The following DTNBP1 variants were observed in gnomAD, a reference collection of about 807,000 sequenced individuals.
DTNBP1 encodes dysbindin.
In DTNBP1, 35 loss-of-function variants were observed where a neutral mutation model predicts 42.8. The observed-to-expected ratio is 0.82, with a 90% CI of 0.63 to 1.09. DTNBP1 has a LOEUF of 1.09. Among genes scored for constraint, DTNBP1 ranks in the 50% least tolerant of loss-of-function variants. The pLI, the probability that DTNBP1 is intolerant of heterozygous loss-of-function variation, is 0.00. For missense variants in DTNBP1, 457 were observed against 424.2 expected (o/e 1.08, Z -0.68); for synonymous variants, 171 against 162.2 (o/e 1.05, Z -0.41).
At chr6:15,576,684 G>T (rs1009763330) in intron 7 of DTNBP1, among the ~76,000 whole-genome samples, 1 of 150,276 alleles carries the variant, frequency 6.7e-6, no homozygotes, top group Non-Finnish European at 1.5e-5. Flanking sequence ...CACGAGAATA[G>T]CCTGAACCCA....
chr6:15,621,952 C>T (rs1015911247), intron 5 of DTNBP1, among the ~76,000 whole-genome samples: 3 of 152,230 alleles, frequency 2.0e-5, no homozygotes, highest in Non-Finnish European at 4.4e-5. Context: ...GACTCACATT[C>T]TGACTGATAT....
intron 7 of DTNBP1, among the ~76,000 whole-genome samples, chr6:15,553,594 C>CTTTTTTTTATTTTTTT (rs750964196): frequency 1.4e-5 from 1 of 72,952 alleles, no homozygotes; most frequent in Admixed American, 1.9e-4. Context: ...GACAAGTGAG[C>CTTTTTTTTATTTTTTT]TTTTTTTTTT....
rs1242956870 is a variant in DTNBP1, at chr6:15,540,742, C to T, written c.512-7347G>A. On this transcript the variant is annotated intron_variant, in intron 7 of 9. Transcript: ENST00000344537. ...CTGCAAGCTCTGCCTCCCAGGTTCA[C>T]GCCATTCTCCTGCCTCAGCCTCCCG... Among the ~76,000 whole-genome samples, 9 of 152,126 alleles carry T rather than the reference C, an allele frequency of 5.9e-5. No individual in the cohort carries two copies. The East Asian group carries it at 1.2e-3, about 20-fold the overall frequency.
At chr6:15,523,803 T>C in intron 9 of DTNBP1, 1 of 1,287,130 alleles carries the variant, frequency 7.8e-7, no homozygotes, top group South Asian at 1.2e-5. Context: ...CTCCTTCTCT[T>C]CCCCAGGATG....
At chr6:15,526,909 T>G (rs949419894) in intron 8 of DTNBP1, among the ~76,000 whole-genome samples, 1 of 152,184 alleles carries the variant, frequency 6.6e-6, no homozygotes, top group Admixed American at 6.5e-5. Context: ...GTGTCAGTGA[T>G]CACAGGAAAT....
chr6:15,627,874 G>A (rs889577447), intron 4 of DTNBP1, among the ~76,000 whole-genome samples: 2 of 151,586 alleles, frequency 1.3e-5, no homozygotes, highest in Non-Finnish European at 2.9e-5. Flanking sequence ...GTAATTATTG[G>A]CTTTACGAAA....
At chr6:15,659,861 G>A (rs1283993844) in intron 1 of DTNBP1, among the ~76,000 whole-genome samples, 4 of 151,968 alleles carry the variant, frequency 2.6e-5, no homozygotes, top group African/African-American at 9.7e-5. Flanking sequence ...CAAAAGATGG[G>A]GTTTCTTTGT....
intron 7 of DTNBP1, among the ~76,000 whole-genome samples, chr6:15,544,675 T>A (rs1773773535): frequency 1.3e-5 from 2 of 152,218 alleles, no homozygotes; most frequent in Non-Finnish European, 2.9e-5. Context: ...ATGGGAGCAT[T>A]TAGGATTTCA....
intron 7 of DTNBP1, among the ~76,000 whole-genome samples, chr6:15,539,338 T>C (rs1245619094): frequency 6.6e-6 from 1 of 152,260 alleles, no homozygotes; most frequent in Non-Finnish European, 1.5e-5. Context: ...GAAGACGGTC[T>C]GCCACAGTGG....
intron 7 of DTNBP1, among the ~76,000 whole-genome samples, chr6:15,538,060 G>A (rs1204455837): frequency 2.6e-5 from 4 of 152,124 alleles, no homozygotes; most frequent in African/African-American, 7.2e-5. Context: ...TCTGAGACCT[G>A]CTCCCTGGTG....
intron 4 of DTNBP1, among the ~76,000 whole-genome samples, chr6:15,628,721 T>TTAA (rs1179350703): frequency 6.6e-6 from 1 of 152,162 alleles, no homozygotes; most frequent in East Asian, 1.9e-4. Context: ...TTAAGGCTCT[T>TTAA]TAAGAGTTAG....
intron 4 of DTNBP1, among the ~76,000 whole-genome samples, chr6:15,628,679 T>C (rs932993798): frequency 2.0e-5 from 3 of 152,170 alleles, no homozygotes; most frequent in Non-Finnish European, 4.4e-5. Context: ...AGTGTTAGGA[T>C]TACAGGCATG....
chr6:15,579,799 C>T, intron 7 of DTNBP1: 1 of 452,786 alleles, frequency 2.2e-6, no homozygotes, highest in South Asian at 1.6e-5. Context: ...CAGAGTGAGA[C>T]TCCCTCTCAA....
At chr6:15,559,619 C>T (rs148348473) in intron 7 of DTNBP1, among the ~76,000 whole-genome samples, 1 of 152,268 alleles carries the variant, frequency 6.6e-6, no homozygotes, top group East Asian at 1.9e-4. Flanking sequence ...TGAATCCCAG[C>T]ATAACCATTA....
intron 7 of DTNBP1, among the ~76,000 whole-genome samples, chr6:15,569,353 A>ACCCCCCCCCCCCCCC (rs11332178): frequency 7.1e-5 from 9 of 127,172 alleles, no homozygotes; most frequent in South Asian, 2.7e-4. Context: ...GCCAGTTAAG[A>ACCCCCCCCCCCCCCC]CCCCCCCCCG....
chr6:15,557,896 CTTAA>C (rs1324386379), intron 7 of DTNBP1, among the ~76,000 whole-genome samples: 1 of 151,808 alleles, frequency 6.6e-6, no homozygotes, highest in Non-Finnish European at 1.5e-5. Flanking sequence ...ATGTCTTTTT[CTTAA>C]TTAATCTTTT....
At chr6:15,656,699 G>T (rs1197528981) in intron 1 of DTNBP1, among the ~76,000 whole-genome samples, 1 of 152,146 alleles carries the variant, frequency 6.6e-6, no homozygotes, top group Non-Finnish European at 1.5e-5. Flanking sequence ...AGTGAGCCAT[G>T]AGCATACCAC....
intron 7 of DTNBP1, among the ~76,000 whole-genome samples, chr6:15,571,957 T>C (rs575135540): frequency 1.1e-3 from 173 of 152,320 alleles, no homozygotes; most frequent in Non-Finnish European, 2.9e-4. Flanking sequence ...GTTTGAGTTC[T>C]GAAGCCAATT....
At chr6:15,641,826 G>A (rs1051322875) in intron 3 of DTNBP1, among the ~76,000 whole-genome samples, 4 of 152,118 alleles carry the variant, frequency 2.6e-5, no homozygotes, top group South Asian at 2.1e-4. Flanking sequence ...AACCCCCTGC[G>A]TGGGCCATCC....
Sources: allele counts gnomAD v4.1 joint callset (sites outside exome capture counted in the v4.1 genomes callset), GRCh38; gene constraint gnomAD v4.1.1; transcripts MANE v1.5; gene names NCBI Gene and HGNC (gene_info 2026-07-23, HGNC 2026-07-21).